Variants in COL4A5 observed in about 807,000 individuals in gnomAD.
The protein encoded by COL4A5 is collagen alpha-5(IV) chain.
Under a neutral mutation model 130.2 loss-of-function variants are expected in COL4A5, and 26 were observed. That is an observed-to-expected ratio of 0.20 (90% CI 0.15 to 0.28). COL4A5 has a LOEUF of 0.28. Among genes scored for constraint, COL4A5 ranks in the 10% least tolerant of loss-of-function variants. The pLI, the probability that COL4A5 is intolerant of heterozygous loss-of-function variation, is 1.00. For synonymous variants in COL4A5, 496 were observed against 439.6 expected (o/e 1.13, Z -1.60); for missense variants, 1,131 against 1,344.3 (o/e 0.84, Z 2.48).
At chrX:108,663,018 G>C (rs777701503) in intron 37 of COL4A5, among the ~76,000 whole-genome samples, 1 of 112,113 alleles carries the variant, frequency 8.9e-6, no homozygotes, top group African/African-American at 3.2e-5. Context: ...GCTAAGGAGA[G>C]AATCCAGCTC....
intron 36 of COL4A5, among the ~76,000 whole-genome samples, chrX:108,647,608 C>G (rs1387974436): frequency 3.6e-5 from 4 of 111,465 alleles, no homozygotes; most frequent in African/African-American, 1.3e-4. Flanking sequence ...GACAGAACTT[C>G]CAACACTAAG....
At chrX:108,559,479 C>T (rs1011008454) in intron 3 of COL4A5, among the ~76,000 whole-genome samples, 1 of 111,603 alleles carries the variant, frequency 9.0e-6, no homozygotes, top group African/African-American at 3.3e-5. Flanking sequence ...GAGAAGAAGC[C>T]AAAATGAAAG....
intron 1 of COL4A5, among the ~76,000 whole-genome samples, chrX:108,522,247 C>A (rs1569480609): frequency 9.1e-6 from 1 of 109,453 alleles, no homozygotes; most frequent in Non-Finnish European, 1.9e-5. Context: ...TTTTTTGACT[C>A]TTATAAATAA....
Position 108,573,457 on chromosome X carries a change from G to T in COL4A5, c.466-117G>T, listed in dbSNP as rs2066096783. On this transcript the variant is annotated intron_variant, in intron 8 of 52. Transcript: ENST00000328300. ...ACTTATCATTTTTATTACTGAGATGGCCTAATCTTTTAGTACATCTCTGTT... is the reference window on the plus strand; with the variant it reads ...ACTTATCATTTTTATTACTGAGATGTCCTAATCTTTTAGTACATCTCTGTT... 5.3e-6 allele frequency: 3 copies of T among 568,908 alleles called. No individual in the cohort carries two copies. The African/African-American group carries it at 6.7e-5, about 13-fold the overall frequency. The allele number at this position is 568,908 out of a possible 1,213,427, so 46.9% of individuals were successfully genotyped here.
At chrX:108,610,385 G>A (rs765481945) in intron 29 of COL4A5, among the ~76,000 whole-genome samples, 2 of 111,083 alleles carry the variant, frequency 1.8e-5, no homozygotes, top group Admixed American at 1.9e-4. Flanking sequence ...GCCAGCAAAA[G>A]CCCCAGACTA....
At chrX:108,695,236 A>G in intron 51 of COL4A5, 31 bp from the exon 52 acceptor site, 1 of 1,207,724 alleles carries the variant, frequency 8.3e-7, no homozygotes, top group Non-Finnish European at 1.1e-6. Context: ...GCACATGGGT[A>G]TTGCGGCACA....
intron 3 of COL4A5, among the ~76,000 whole-genome samples, chrX:108,560,003 C>T (rs2065878665): frequency 2.7e-5 from 3 of 111,643 alleles, no homozygotes; most frequent in South Asian, 7.7e-4. Context: ...ATTCTCAATT[C>T]CATACCTTGA....
intron 2 of COL4A5, among the ~76,000 whole-genome samples, chrX:108,543,682 T>C (rs1445016631): frequency 8.9e-6 from 1 of 111,950 alleles, no homozygotes; most frequent in Non-Finnish European, 1.9e-5. Flanking sequence ...GCATTGAATC[T>C]ATAAATTACC....
intron 1 of COL4A5, among the ~76,000 whole-genome samples, chrX:108,493,814 A>G (rs2065012444): frequency 9.1e-6 from 1 of 109,515 alleles, no homozygotes; most frequent in East Asian, 2.9e-4. Flanking sequence ...AAAGAAAAAA[A>G]AAAAAAAACG....
intron 1 of COL4A5, among the ~76,000 whole-genome samples, chrX:108,526,078 G>A (rs2065308553): frequency 9.0e-6 from 1 of 111,316 alleles, no homozygotes; most frequent in African/African-American, 3.3e-5. Flanking sequence ...GGACACACAC[G>A]GTAGGGGAAG....
intron 1 of COL4A5, among the ~76,000 whole-genome samples, chrX:108,486,283 A>C (rs2064944174): frequency 9.0e-6 from 1 of 110,907 alleles, no homozygotes. Flanking sequence ...GTGAGTGCTC[A>C]CCTAATTTTT....
chrX:108,674,937 G>A (rs918804141), intron 43 of COL4A5, among the ~76,000 whole-genome samples, 184 bp downstream of exon 43: 1 of 110,278 alleles, frequency 9.1e-6, no homozygotes, highest in Non-Finnish European at 1.9e-5. Flanking sequence ...TTCAAATGAC[G>A]TTAGGGTCTT....
At chrX:108,608,361 A>G (rs1237725481) in intron 29 of COL4A5, among the ~76,000 whole-genome samples, 1 of 111,749 alleles carries the variant, frequency 8.9e-6, no homozygotes, top group Non-Finnish European at 1.9e-5. Context: ...CCCAGATTCT[A>G]CAATGAACCT....
intron 16 of COL4A5, 23 bp downstream of exon 16, chrX:108,581,050 C>G: frequency 2.5e-6 from 3 of 1,182,485 alleles, no homozygotes; most frequent in South Asian, 3.6e-5. Context: ...GGTTCTTTCC[C>G]CCTGCAAAAC....
chrX:108,495,680 AAGGGC>A (rs2065029259), intron 1 of COL4A5, among the ~76,000 whole-genome samples: 1 of 112,230 alleles, frequency 8.9e-6, no homozygotes, highest in Non-Finnish European at 1.9e-5. Flanking sequence ...TGTCTCATCA[AAGGGC>A]AACCTCAGCA....
chrX:108,626,071 G>A (rs2067148061), intron 35 of COL4A5, 139 bp from the exon 36 acceptor site: 1 of 561,810 alleles, frequency 1.8e-6, no homozygotes, highest in African/African-American at 2.3e-5. Flanking sequence ...TTATATAATT[G>A]TGTTTGTGAG....
intron 1 of COL4A5, among the ~76,000 whole-genome samples, chrX:108,502,074 C>T (rs2065084686): frequency 8.9e-6 from 1 of 111,997 alleles, no homozygotes; most frequent in Non-Finnish European, 1.9e-5. Context: ...TATGTTAGCT[C>T]AGATATCTGG....
chrX:108,687,817 A>G, intron 49 of COL4A5, 123 bp downstream of exon 49: 1 of 584,149 alleles, frequency 1.7e-6, no homozygotes, highest in East Asian at 3.3e-5. Flanking sequence ...TCCGAATTGA[A>G]AACCATGTCA....
At chrX:108,530,910 G>T (rs1465446202) in intron 1 of COL4A5, among the ~76,000 whole-genome samples, 3 of 103,440 alleles carry the variant, frequency 2.9e-5, no homozygotes, top group African/African-American at 7.1e-5. Context: ...ACATGCACAC[G>T]TATGTTTATT....
Sources: gnomAD v4.1 joint callset for allele counts (sites outside exome capture counted in the v4.1 genomes callset) on GRCh38, gnomAD v4.1.1 for gene constraint, MANE v1.5 for transcripts, NCBI Gene and HGNC (gene_info 2026-07-23, HGNC 2026-07-21) for gene names.